Variants in ARHGEF28 observed in about 807,000 individuals in gnomAD.
ARHGEF28 encodes Rho guanine nucleotide exchange factor 28, also known as 190 kDa guanine nucleotide exchange factor.
Under a neutral mutation model 206.6 loss-of-function variants are expected in ARHGEF28, and 152 were observed. The observed-to-expected ratio is 0.74, with a 90% CI of 0.64 to 0.84. The LOEUF is 0.84. ARHGEF28 is among the 40% of genes least tolerant of loss of function. The pLI is 0.00. For missense variants in ARHGEF28, 2,028 were observed against 2,073.2 expected, an observed-to-expected ratio of 0.98 and a Z score of 0.42; for synonymous variants, 763 against 776.4, an observed-to-expected ratio of 0.98 and a Z score of 0.29.
chr5:73,800,234 T>A (rs796856670), intron 9 of ARHGEF28, among the ~76,000 whole-genome samples: 18 of 152,332 alleles, frequency 1.2e-4, no homozygotes, highest in African/African-American at 4.1e-4. Context: ...TGTTATTCAT[T>A]TGACATATTC....
chr5:73,808,173 G>A (rs1241715304), intron 9 of ARHGEF28, among the ~76,000 whole-genome samples: 1 of 152,080 alleles, frequency 6.6e-6, no homozygotes, highest in African/African-American at 2.4e-5. Context: ...TGACAACAGT[G>A]GTTGTACCAT....
At chr5:73,854,057 T>C (rs1213080022) in intron 14 of ARHGEF28, among the ~76,000 whole-genome samples, 1 of 152,142 alleles carries the variant, frequency 6.6e-6, no homozygotes, top group African/African-American at 2.4e-5. Context: ...TTTCTATTCT[T>C]TAATCTTTCT....
At chr5:73,936,976 G>A (rs1359246868) in intron 35 of ARHGEF28, among the ~76,000 whole-genome samples, 2 of 152,186 alleles carry the variant, frequency 1.3e-5, no homozygotes, top group East Asian at 1.9e-4. Context: ...TGATGATAAT[G>A]GTGAGCCAAT....
At chr5:73,903,810 T>C (rs991345426) in intron 31 of ARHGEF28, 1 of 180,738 alleles carries the variant, frequency 5.5e-6, no homozygotes. Flanking sequence ...TGATATTCTT[T>C]CTTTAACTTT....
At chr5:73,815,190 GTATA>G (rs34284444) in intron 9 of ARHGEF28, among the ~76,000 whole-genome samples, 2,938 of 148,342 alleles carry the variant, frequency 0.02, 69 homozygotes, top group African/African-American at 0.057. Flanking sequence ...GATTCAGGGG[GTATA>G]TATATATATA....
chr5:73,660,759 A>G (rs1409320559), intron 1 of ARHGEF28, among the ~76,000 whole-genome samples: 2 of 152,220 alleles, frequency 1.3e-5, no homozygotes, highest in African/African-American at 4.8e-5. Flanking sequence ...GAGCAGTAAT[A>G]TTTTGAAAGA....
At chr5:73,812,753 TATAAAGGCACCAAA>T (rs1443698469) in intron 9 of ARHGEF28, among the ~76,000 whole-genome samples, 1 of 152,136 alleles carries the variant, frequency 6.6e-6, no homozygotes, top group Non-Finnish European at 1.5e-5. Context: ...AGATCGGAGC[TATAAAGGCACCAAA>T]ATCCTGATGA....
At chr5:73,783,547 G>C (rs566401001) in intron 7 of ARHGEF28, among the ~76,000 whole-genome samples, 1 of 152,140 alleles carries the variant, frequency 6.6e-6, no homozygotes, top group African/African-American at 2.4e-5. Flanking sequence ...GGAATGGATG[G>C]GAGAGGCCTA....
At chr5:73,815,190 G>A (rs1249949148) in intron 9 of ARHGEF28, among the ~76,000 whole-genome samples, 1 of 148,456 alleles carries the variant, frequency 6.7e-6, no homozygotes, top group East Asian at 2.0e-4. Context: ...GATTCAGGGG[G>A]TATATATATA....
intron 35 of ARHGEF28, among the ~76,000 whole-genome samples, chr5:73,932,356 C>G (rs1332965822): frequency 6.6e-6 from 1 of 152,110 alleles, no homozygotes; most frequent in Admixed American, 6.5e-5. Context: ...GTGACACAGC[C>G]TATAATTTGG....
rs1466975091 is a variant in ARHGEF28, at chr5:73,882,488, C to A, written c.2831C>A (p.Ala944Glu). The A allele has an allele frequency of 2.1e-6, 3 of 1,446,370 alleles. No homozygotes were observed. Among genetic ancestry groups the A allele is most frequent in the Non-Finnish European group, 2.8e-6 (3 of 1,080,394 alleles). The allele number at this position is 1,446,370 out of a possible 1,614,324, so 89.6% of individuals were successfully genotyped here. Residue 944 changes from alanine to glutamate, a missense_variant, in exon 23 of 36, where the codon GCA (alanine) becomes GAA (glutamate). By Grantham distance (107) the Ala-to-Glu change is moderately radical (BLOSUM62 -1). This residue lies in a region of ARHGEF28 where 223 missense variants were observed against 289.9 expected (regional missense o/e 0.77). Coordinates refer to ENST00000513042, the MANE Select transcript of ARHGEF28 (RefSeq NM_001177693.2). ...TTCTTCCAGTTTTCAGAAGAAAATGCAAGTAAAATGAAGAAAATATATGGA... is the reference window on the plus strand; with the variant it reads ...TTCTTCCAGTTTTCAGAAGAAAATGAAAGTAAAATGAAGAAAATATATGGA... Reference protein sequence around the residue: ...ILVQQFSEENASKMKKIYGEF... With the variant: ...ILVQQFSEENESKMKKIYGEF...
intron 35 of ARHGEF28, among the ~76,000 whole-genome samples, chr5:73,934,721 C>T (rs953420221): frequency 1.3e-5 from 2 of 152,200 alleles, no homozygotes; most frequent in Non-Finnish European, 2.9e-5. Flanking sequence ...ATGCTGCATA[C>T]TGGTTTTTGC....
intron 1 of ARHGEF28, among the ~76,000 whole-genome samples, chr5:73,641,708 G>A (rs1372118420): frequency 1.3e-5 from 2 of 152,160 alleles, no homozygotes; most frequent in South Asian, 4.1e-4. Flanking sequence ...TTGTATAAAT[G>A]GAGCTTACGA....
chr5:73,888,842 A>C (rs1761456120), intron 26 of ARHGEF28, among the ~76,000 whole-genome samples: 1 of 152,144 alleles, frequency 6.6e-6, no homozygotes, highest in South Asian at 2.1e-4. Context: ...TTAGGAATGC[A>C]ATCCACCAAA....
chr5:73,677,789 C>A (rs924713626), intron 1 of ARHGEF28, among the ~76,000 whole-genome samples: 4 of 152,204 alleles, frequency 2.6e-5, no homozygotes, highest in Admixed American at 2.6e-4. Flanking sequence ...TGTCTGCCAG[C>A]AAATGTTTGG....
intron 22 of ARHGEF28, among the ~76,000 whole-genome samples, chr5:73,875,612 G>A (rs1760418647): frequency 6.6e-6 from 1 of 152,056 alleles, no homozygotes; most frequent in Non-Finnish European, 1.5e-5. Flanking sequence ...TGTAAGGAAG[G>A]AATCCAGTTT....
intron 34 of ARHGEF28, 84 bp downstream of exon 34, chr5:73,909,981 T>C (rs768168421): frequency 7.1e-7 from 1 of 1,414,756 alleles, no homozygotes; most frequent in Non-Finnish European, 9.2e-7. Flanking sequence ...ACCAAACATC[T>C]GTCATTTTGG....
chr5:73,845,258 C>T (rs986367694), intron 11 of ARHGEF28, among the ~76,000 whole-genome samples: 8 of 152,068 alleles, frequency 5.3e-5, no homozygotes, highest in Non-Finnish European at 1.2e-4. Flanking sequence ...CCTCATGATC[C>T]GCCCACCTTG....
At chr5:73,869,050 A>G (rs1457106930) in intron 20 of ARHGEF28, among the ~76,000 whole-genome samples, 2 of 151,990 alleles carry the variant, frequency 1.3e-5, no homozygotes, top group Non-Finnish European at 2.9e-5. Context: ...AAATGGAAGG[A>G]GAGTAGTGAC....
Sources: gnomAD v4.1 joint callset for allele counts (sites outside exome capture counted in the v4.1 genomes callset) on GRCh38, gnomAD v4.1.1 for gene constraint, gnomAD v4.1.1 regional missense constraint, MANE v1.5 for transcripts, NCBI Gene and HGNC (gene_info 2026-07-23, HGNC 2026-07-21) for gene names.